Variants in TDRD7 observed in about 807,000 individuals in gnomAD.
The protein encoded by TDRD7 is tudor domain-containing protein 7.
In TDRD7, 47 loss-of-function variants were observed where a neutral mutation model predicts 109.8. The observed-to-expected ratio is 0.43, with a 90% CI of 0.34 to 0.55. The LOEUF is 0.55. Among genes scored for constraint, TDRD7 ranks in the 20% least tolerant of loss-of-function variants. The pLI, the probability that TDRD7 is intolerant of heterozygous loss-of-function variation, is 0.03. For missense variants in TDRD7, 1,164 were observed against 1,319.2 expected, an observed-to-expected ratio of 0.88 and a Z score of 1.82; for synonymous variants, 424 against 457.3, an observed-to-expected ratio of 0.93 and a Z score of 0.93.
At chr9:97,481,670 A>C (rs1468051810) in intron 14 of TDRD7, among the ~76,000 whole-genome samples, 1 of 152,204 alleles carries the variant, frequency 6.6e-6, no homozygotes, top group Admixed American at 6.5e-5. Flanking sequence ...TACATGCTTA[A>C]TTATATACTA....
At chr9:97,430,092 C>G (rs1328700665) in intron 2 of TDRD7, among the ~76,000 whole-genome samples, 3 of 152,094 alleles carry the variant, frequency 2.0e-5, no homozygotes, top group African/African-American at 7.2e-5. Context: ...CATTGTTTTC[C>G]TGTTTTTGAT....
rs764760877 is a variant in TDRD7, at chr9:97,432,263, G to A, written c.563+25G>A. ...GGTATTTGGCCTCTGACTCACAGAA[G>A]TTTGGTGAATCTAGGGTAAAAAGTG... On this transcript the variant is annotated intron_variant, in intron 4 of 16. Coordinates refer to ENST00000355295, the MANE Select transcript of TDRD7 (RefSeq NM_014290.3). The A allele has an allele frequency of 2.6e-5, 41 of 1,600,768 alleles. No individual in the cohort carries two copies. In the Admixed American group the frequency reaches 4.2e-4, roughly 16 times the overall value.
intron 6 of TDRD7, among the ~76,000 whole-genome samples, chr9:97,449,821 A>G (rs1828461341): frequency 6.6e-6 from 1 of 152,160 alleles, no homozygotes; most frequent in Non-Finnish European, 1.5e-5. Flanking sequence ...GTATTAGCAT[A>G]GAAAAAGATA....
intron 7 of TDRD7, among the ~76,000 whole-genome samples, chr9:97,463,842 T>A (rs539640002): frequency 3.9e-5 from 6 of 152,108 alleles, no homozygotes; most frequent in South Asian, 2.1e-4. Flanking sequence ...TGAAAAAAAA[T>A]ATTTCTCAAC....
chr9:97,494,112 T>C (rs1312734070), intron 16 of TDRD7, among the ~76,000 whole-genome samples: 2 of 152,220 alleles, frequency 1.3e-5, no homozygotes, highest in African/African-American at 2.4e-5. Context: ...AGGGTATTGA[T>C]TGGGGAAGTG....
chr9:97,474,309 A>G (rs979054643), intron 11 of TDRD7, among the ~76,000 whole-genome samples: 1 of 152,066 alleles, frequency 6.6e-6, no homozygotes, highest in Non-Finnish European at 1.5e-5. Flanking sequence ...ACTAAACCCT[A>G]CTGCCACTTC....
chr9:97,417,522 G>T (rs529230042), intron 1 of TDRD7, among the ~76,000 whole-genome samples: 8 of 152,252 alleles, frequency 5.3e-5, no homozygotes, highest in Non-Finnish European at 8.8e-5. Flanking sequence ...AAGAGTGAAG[G>T]AATTGTAGAC....
At chr9:97,452,512 A>G (rs138387811) in intron 6 of TDRD7, among the ~76,000 whole-genome samples, 106 of 152,358 alleles carry the variant, frequency 7.0e-4, no homozygotes, top group African/African-American at 2.4e-3. Flanking sequence ...AGTGCTTACA[A>G]TTCAAGGAAC....
At chr9:97,414,915 A>G (rs927112768) in intron 1 of TDRD7, among the ~76,000 whole-genome samples, 1 of 152,198 alleles carries the variant, frequency 6.6e-6, no homozygotes, top group African/African-American at 2.4e-5. Context: ...CAGTTTATTG[A>G]TTTGTAAGAT....
chr9:97,495,988 T>C lies in TDRD7; in HGVS notation c.*105T>C. The C allele has an allele frequency of 2.3e-6, 2 of 886,682 alleles. No homozygotes were observed. The highest frequency in any genetic ancestry group is 3.7e-6 in the Non-Finnish European group (2 of 537,954). The allele number at this position is 886,682 out of a possible 1,614,324, so 54.9% of individuals were successfully genotyped here. A position where few individuals can be genotyped will look rare whatever the true frequency, so the allele number is the denominator to read the frequency against. ...CTCTGCTACATGGCTCTGACTGCTG[T>C]GGGGGATTGAAAAGAATATGCTTAT... On this transcript the variant is annotated 3_prime_UTR_variant, in exon 17 of 17. Transcript: ENST00000355295.
chr9:97,472,684 T>C (rs1386388789), intron 10 of TDRD7, among the ~76,000 whole-genome samples, 189 bp downstream of exon 10: 1 of 152,174 alleles, frequency 6.6e-6, no homozygotes, highest in Non-Finnish European at 1.5e-5. Context: ...TCTTAGGAAC[T>C]GGATTTTTTA....
At position 97,430,964 on chromosome 9, in the gene TDRD7, C is replaced by A. The variant is rs1828094154; in HGVS notation, c.239C>A (p.Thr80Asn). The change falls in exon 3 of 17, where the codon ACT becomes AAT. Residue 80 changes from threonine (T) to asparagine (N), a missense_variant. Thr to Asn is a moderately conservative substitution (Grantham distance 65). Around this residue, in one of 5 missense-constraint regions of TDRD7, gnomAD observed 101 missense variants for 148.5 expected, o/e 0.68. Transcript: ENST00000355295. Reference sequence around the variant, plus strand: ...TGCTATGCCATGGCCTGCACAGAAACTGCAAGAATTGCTCAGCTTGTGGCT... The same window carrying A: ...TGCTATGCCATGGCCTGCACAGAAAATGCAAGAATTGCTCAGCTTGTGGCT... ...ITCYAMACTE[T>N]ARIAQLVARQ... The A allele has an allele frequency of 1.2e-6, 2 of 1,613,886 alleles. No individual in the cohort carries two copies. The highest frequency in any genetic ancestry group is 1.7e-6 in the Non-Finnish European group (2 of 1,179,830).
chr9:97,421,918 A>G (rs1034161795), intron 1 of TDRD7, among the ~76,000 whole-genome samples: 7 of 151,670 alleles, frequency 4.6e-5, no homozygotes, highest in African/African-American at 1.7e-4. Flanking sequence ...ACAAAGATTT[A>G]CTCCTGTGTA....
intron 1 of TDRD7, among the ~76,000 whole-genome samples, chr9:97,415,053 C>T (rs1412642550): frequency 2.0e-5 from 3 of 152,140 alleles, no homozygotes; most frequent in African/African-American, 4.8e-5. Flanking sequence ...GAAGTATATG[C>T]CCTAAAGAGA....
At chr9:97,488,560 G>GTTTTTTTTTTTTT (rs61689126) in intron 16 of TDRD7, among the ~76,000 whole-genome samples, 3 of 140,594 alleles carry the variant, frequency 2.1e-5, no homozygotes, top group African/African-American at 2.6e-5. Flanking sequence ...AGATTTAATG[G>GTTTTTTTTTTTTT]TTTTTTTTTT....
At chr9:97,467,667 A>G (rs1020717694) in intron 8 of TDRD7, among the ~76,000 whole-genome samples, 2 of 152,266 alleles carry the variant, frequency 1.3e-5, no homozygotes, top group Admixed American at 6.5e-5. Flanking sequence ...GGAAATAACT[A>G]TGATAGAAAA....
chr9:97,492,692 A>G (rs1186794603), intron 16 of TDRD7, among the ~76,000 whole-genome samples: 3 of 152,306 alleles, frequency 2.0e-5, no homozygotes, highest in Middle Eastern at 3.4e-3. Flanking sequence ...GGTCCCATCC[A>G]TGTCCTGAGT....
chr9:97,491,539 G>A lies in TDRD7; in HGVS notation c.3077-4124G>A, dbSNP rs114584930. Among the ~76,000 whole-genome samples the A allele has an allele frequency of 7.7e-3, 1,179 of 152,298 alleles. 19 individuals are homozygous for A. Among genetic ancestry groups the A allele is most frequent in the African/African-American group, 0.028 (1,143 of 41,552 alleles). On this transcript the variant is annotated intron_variant, in intron 16 of 16. Transcript: ENST00000355295. ...GCTTTTGTAATGTAGCAGCAGCAAT[G>A]TGTGTCTGGGGTGTGAGGGATGTTA...
chr9:97,492,891 A>G (rs1193061197), intron 16 of TDRD7, among the ~76,000 whole-genome samples: 1 of 152,264 alleles, frequency 6.6e-6, no homozygotes, highest in African/African-American at 2.4e-5. Flanking sequence ...TTGGGCCAAC[A>G]TAGGCATCCA....
Sources: allele counts gnomAD v4.1 joint callset (sites outside exome capture counted in the v4.1 genomes callset), GRCh38; gene constraint gnomAD v4.1.1; regional missense constraint gnomAD v4.1.1; transcripts MANE v1.5; gene names NCBI Gene and HGNC (gene_info 2026-07-23, HGNC 2026-07-21).